Variants in SCMH1 observed in about 807,000 individuals in gnomAD.
SCMH1 encodes Scm polycomb group protein homolog 1.
In SCMH1, 37 loss-of-function variants were observed where a neutral mutation model predicts 70.8. That is an observed-to-expected ratio of 0.52 (90% CI 0.40 to 0.69). SCMH1 has a LOEUF of 0.69. SCMH1 is among the 30% of genes least tolerant of loss of function. The probability of loss-of-function intolerance (pLI) is 0.00; values close to 1 mark genes in which losing one functional copy is unlikely to be tolerated. For synonymous variants in SCMH1, 292 were observed against 307.4 expected (o/e 0.95, Z 0.52); for missense variants, 607 against 827.3 (o/e 0.73, Z 3.27).
intron 1 of SCMH1, among the ~76,000 whole-genome samples, chr1:41,211,145 C>G (rs2148797023): frequency 6.6e-6 from 1 of 152,230 alleles, no homozygotes; most frequent in East Asian, 1.9e-4. Flanking sequence ...GCAATGGAAA[C>G]AAAAGCCAAA....
intron 6 of SCMH1, among the ~76,000 whole-genome samples, chr1:41,137,503 T>C (rs577984144): frequency 6.6e-6 from 1 of 152,344 alleles, no homozygotes; most frequent in East Asian, 1.9e-4. Flanking sequence ...TTCATACTTT[T>C]ACTTTTTGTC....
intron 8 of SCMH1, among the ~76,000 whole-genome samples, chr1:41,091,238 A>T (rs1440504160): frequency 1.3e-5 from 2 of 152,184 alleles, no homozygotes; most frequent in Non-Finnish European, 2.9e-5. Flanking sequence ...AACATACGCA[A>T]ATCAACAAAC....
In SCMH1 at chr1:41,199,734, G is replaced by A. The variant is rs1250100573; in HGVS notation, c.-117-13484C>T. 2.0e-5 allele frequency among the ~76,000 whole-genome samples: 3 copies of A among 151,636 alleles called. No homozygotes were observed. In the South Asian group the frequency reaches 6.3e-4, roughly 32 times the overall value. On this transcript the variant is annotated intron_variant, in intron 1 of 14. Transcript: ENST00000337495. ...CACACTAGGGACTCCACAATAGGGGGTGGGGGTGGGAGGATGCTGAAAACT... is the reference window on the plus strand; with the variant it reads ...CACACTAGGGACTCCACAATAGGGGATGGGGGTGGGAGGATGCTGAAAACT...
intron 12 of SCMH1, among the ~76,000 whole-genome samples, chr1:41,044,213 G>T (rs565532899): frequency 1.3e-5 from 2 of 152,218 alleles, no homozygotes; most frequent in African/African-American, 4.8e-5. Flanking sequence ...TATAGGAAAG[G>T]GGGAGGGCCA....
chr1:41,175,396 C>T (rs1021137753), intron 2 of SCMH1, among the ~76,000 whole-genome samples: 1 of 152,178 alleles, frequency 6.6e-6, no homozygotes, highest in African/African-American at 2.4e-5. Flanking sequence ...CATCAGCTCC[C>T]TGATTCTCAG....
chr1:41,084,010 A>C (rs1660823383), intron 8 of SCMH1, among the ~76,000 whole-genome samples: 1 of 152,196 alleles, frequency 6.6e-6, no homozygotes, highest in Non-Finnish European at 1.5e-5. Context: ...TTAGACCTAA[A>C]ACCATAAAAA....
At chr1:41,226,850 AG>A (rs1660360152) in intron 1 of SCMH1, among the ~76,000 whole-genome samples, 1 of 152,234 alleles carries the variant, frequency 6.6e-6, no homozygotes, top group Non-Finnish European at 1.5e-5. Flanking sequence ...AGATCAAGGA[AG>A]GATTCCCTAA....
At chr1:41,120,981 ACT>A (rs1671794982) in intron 6 of SCMH1, among the ~76,000 whole-genome samples, 1 of 152,232 alleles carries the variant, frequency 6.6e-6, no homozygotes, top group Non-Finnish European at 1.5e-5. Context: ...GATCACTACT[ACT>A]ATTCTGAATC....
intron 8 of SCMH1, among the ~76,000 whole-genome samples, chr1:41,108,469 T>C (rs974703450): frequency 6.6e-6 from 1 of 152,242 alleles, no homozygotes; most frequent in Admixed American, 6.5e-5. Context: ...TTCATTTTGC[T>C]TTTTACATTT....
At chr1:41,075,309 C>T in exon 9 of SCMH1, 1 of 1,614,142 alleles carries the variant, frequency 6.2e-7, no homozygotes, top group Non-Finnish European at 8.5e-7. Flanking sequence ...AAATTAGGGT[C>T]TTGGGTGTCC....
intron 8 of SCMH1, among the ~76,000 whole-genome samples, chr1:41,094,407 T>C (rs1384302456): frequency 2.0e-5 from 3 of 152,150 alleles, no homozygotes. Flanking sequence ...AGAGTTAACA[T>C]TATGAAAATG....
At chr1:41,187,100 G>A (rs1222014582) in intron 1 of SCMH1, among the ~76,000 whole-genome samples, 1 of 152,068 alleles carries the variant, frequency 6.6e-6, no homozygotes, top group African/African-American at 2.4e-5. Flanking sequence ...TGAATTTGAC[G>A]TTAAAATTTT....
intron 8 of SCMH1, among the ~76,000 whole-genome samples, chr1:41,106,531 T>C (rs562101747): frequency 6.6e-6 from 1 of 151,872 alleles, no homozygotes. Flanking sequence ...TATTTCTTTA[T>C]GGCAATGCAA....
chr1:41,070,792 T>C (rs1425096384), intron 9 of SCMH1, 71 bp from the exon 10 acceptor site: 3 of 1,570,242 alleles, frequency 1.9e-6, no homozygotes, highest in Non-Finnish European at 2.6e-6. Context: ...TGGCACTTAA[T>C]TCACTCATGA....
intron 1 of SCMH1, among the ~76,000 whole-genome samples, chr1:41,213,413 AAAC>A (rs1328928111): frequency 6.6e-6 from 1 of 152,198 alleles, no homozygotes; most frequent in African/African-American, 2.4e-5. Flanking sequence ...GAATGTGGGA[AAAC>A]AACAGAAGCA....
intron 13 of SCMH1, among the ~76,000 whole-genome samples, chr1:41,035,124 T>C (rs1453969321): frequency 6.6e-6 from 1 of 152,256 alleles, no homozygotes; most frequent in African/African-American, 2.4e-5. Flanking sequence ...GTATGTCCAC[T>C]GTAACCATTA....
chr1:41,075,402 C>T, exon 9 of SCMH1: 2 of 1,614,054 alleles, frequency 1.2e-6, no homozygotes, highest in Non-Finnish European at 1.7e-6. Context: ...GGATGCTGGG[C>T]TTCTCAGTAT....
At chr1:41,169,284 T>C (rs11802778) in intron 2 of SCMH1, among the ~76,000 whole-genome samples, 16,233 of 152,202 alleles carry the variant, frequency 0.11, 989 homozygotes, top group South Asian at 0.18. Flanking sequence ...AGAGGGCTAC[T>C]GTTTGTTTTC....
chr1:41,198,631 G>C (rs1461780850), intron 1 of SCMH1, among the ~76,000 whole-genome samples: 1 of 152,078 alleles, frequency 6.6e-6, no homozygotes, highest in Non-Finnish European at 1.5e-5. Context: ...TTCTCTTTTA[G>C]CAACAAGAAC....
Sources: allele counts gnomAD v4.1 joint callset (sites outside exome capture counted in the v4.1 genomes callset), GRCh38; gene constraint gnomAD v4.1.1; transcripts MANE v1.5; gene names NCBI Gene and HGNC (gene_info 2026-07-23, HGNC 2026-07-21).